LRP1B: variants seen among roughly 807,000 people sequenced by gnomAD.
LRP1B encodes LDL receptor related protein 1B, also known as low-density lipoprotein receptor-related protein 1B.
A neutral mutation model predicts 556.6 loss-of-function variants in LRP1B; 217 were observed. The observed-to-expected ratio is 0.39, with a 90% confidence interval of 0.35 to 0.44. The LOEUF (loss-of-function observed/expected upper bound fraction) is 0.44, where lower values mean the gene tolerates loss of function less well. Among genes scored for constraint, LRP1B ranks in the 20% least tolerant of loss-of-function variants. The probability of loss-of-function intolerance (pLI) is 1.00; values close to 1 mark genes in which losing one functional copy is unlikely to be tolerated. For synonymous variants in LRP1B, 2,047 were observed against 1,865.8 expected (o/e 1.10, Z -2.50); for missense variants, 5,053 against 5,620.8 (o/e 0.90, Z 3.23).
At chr2:140,798,406 C>G (rs1016501949) in intron 32 of LRP1B, among the ~76,000 whole-genome samples, 4 of 152,094 alleles carry the variant, frequency 2.6e-5, no homozygotes, top group Admixed American at 2.0e-4. Context: ...CTTCTCTGCC[C>G]ACTTTACAAG....
intron 3 of LRP1B, among the ~76,000 whole-genome samples, chr2:141,365,774 A>G (rs1689010397): frequency 6.8e-6 from 1 of 147,868 alleles, no homozygotes; most frequent in Non-Finnish European, 1.5e-5. Context: ...CCGGGTTCAC[A>G]CCATTCTCCT....
At chr2:141,361,609 G>A (rs1031841235) in intron 3 of LRP1B, among the ~76,000 whole-genome samples, 7 of 152,026 alleles carry the variant, frequency 4.6e-5, no homozygotes, top group African/African-American at 1.7e-4. Flanking sequence ...TTTTTCTTTA[G>A]CATTGTTTAT....
chr2:141,982,960 A>G (rs1021347541), intron 1 of LRP1B, among the ~76,000 whole-genome samples: 1 of 152,216 alleles, frequency 6.6e-6, no homozygotes, highest in African/African-American at 2.4e-5. Context: ...AGCTGATGTT[A>G]TGACTAATTT....
At chr2:141,329,341 T>C (rs1416898339) in intron 3 of LRP1B, among the ~76,000 whole-genome samples, 2 of 142,272 alleles carry the variant, frequency 1.4e-5, no homozygotes, top group Non-Finnish European at 3.0e-5. Context: ...TGAGCTGAGA[T>C]TGCACCATTG....
intron 7 of LRP1B, among the ~76,000 whole-genome samples, chr2:141,141,181 T>A (rs1376237219): frequency 6.6e-6 from 1 of 152,188 alleles, no homozygotes; most frequent in Non-Finnish European, 1.5e-5. Flanking sequence ...AACCTCAGTT[T>A]ATATAGTAAA....
At chr2:142,115,923 T>C (rs1473481882) in intron 1 of LRP1B, among the ~76,000 whole-genome samples, 5 of 133,694 alleles carry the variant, frequency 3.7e-5, no homozygotes, top group Admixed American at 3.5e-4. Flanking sequence ...AAACCTATAG[T>C]AGAAAGAATG....
rs1464915415 is a variant in LRP1B, at chr2:141,043,629, A to G, written c.1789+5357T>C. Among the ~76,000 whole-genome samples, 4 of 152,028 alleles carry G rather than the reference A, an allele frequency of 2.6e-5. 1 individual carries two copies. Among genetic ancestry groups the G allele is most frequent in the South Asian group, 2.1e-4 (1 of 4,830 alleles). The stretch of plus-strand genomic sequence containing the variant: ...TAATACTTTAAAAATATGAAATGAT[A>G]TGAAAGGTTATTTTAACATTTCTTC... On this transcript the variant is annotated intron_variant, in intron 11 of 90. Coordinates refer to ENST00000389484, the MANE Select transcript of LRP1B (RefSeq NM_018557.3).
intron 3 of LRP1B, among the ~76,000 whole-genome samples, chr2:141,340,142 T>C (rs1018013407): frequency 3.3e-5 from 5 of 152,228 alleles, no homozygotes; most frequent in African/African-American, 1.2e-4. Flanking sequence ...TCTGTGCTAT[T>C]TATGTAGGTT....
chr2:140,970,933 G>T (rs1696401438), intron 18 of LRP1B, among the ~76,000 whole-genome samples: 1 of 151,692 alleles, frequency 6.6e-6, no homozygotes, highest in Non-Finnish European at 1.5e-5. Flanking sequence ...TAGAGACAGG[G>T]TTTTGCCTCG....
intron 87 of LRP1B, 79 bp downstream of exon 87, chr2:140,247,007 A>G (rs1681193900): frequency 8.0e-6 from 8 of 1,001,718 alleles, no homozygotes; most frequent in South Asian, 6.7e-5. Context: ...GTGTTCTAAG[A>G]CTCATCTCAC....
In LRP1B at chr2:140,485,396, G is replaced by C. The variant is rs550593924; in HGVS notation, c.9372C>G (p.Leu3124=). 1 of 1,613,052 alleles carries C rather than the reference G, an allele frequency of 6.2e-7. No individual in the cohort carries two copies. The highest frequency in any genetic ancestry group is 8.5e-7 in the Non-Finnish European group (1 of 1,179,470). ...SKLNGLYPTI[L]VSKRLKFPRD... is the part of the protein sequence containing the mutation. ...TGGGAAACTTCAGCCTTTTGCTAAC[G>C]AGTATAGTAGGGTACAAGCCATTGA... Residue 3124 remains leucine (L), a synonymous_variant, in exon 59 of 91, where the codon CTC becomes CTG. Transcript: ENST00000389484.
intron 1 of LRP1B, among the ~76,000 whole-genome samples, chr2:142,107,616 G>GT (rs112509749): frequency 6.6e-6 from 1 of 151,050 alleles, no homozygotes; most frequent in Admixed American, 6.6e-5. Flanking sequence ...TCAATAATGT[G>GT]TCTTTTGTTT....
chr2:141,302,152 A>C (rs1686419659), intron 3 of LRP1B, among the ~76,000 whole-genome samples: 1 of 152,158 alleles, frequency 6.6e-6, no homozygotes, highest in South Asian at 2.1e-4. Context: ...TCTCTTACAG[A>C]TAGGAGAGAA....
At chr2:141,417,612 G>A (rs1679949609) in intron 3 of LRP1B, among the ~76,000 whole-genome samples, 1 of 151,944 alleles carries the variant, frequency 6.6e-6, no homozygotes, top group Non-Finnish European at 1.5e-5. Context: ...TTCTTTCTAT[G>A]TTCACCATCG....
At chr2:140,298,653 C>G (rs1286417247) in intron 83 of LRP1B, among the ~76,000 whole-genome samples, 1 of 152,146 alleles carries the variant, frequency 6.6e-6, no homozygotes, top group East Asian at 1.9e-4. Flanking sequence ...GCACATAAGA[C>G]CAAATATGAC....
At chr2:142,085,786 C>A (rs1016076881) in intron 1 of LRP1B, among the ~76,000 whole-genome samples, 2 of 152,282 alleles carry the variant, frequency 1.3e-5, no homozygotes, top group Admixed American at 6.5e-5. Context: ...CAAGTTGTAT[C>A]TGAGTGTGGT....
chr2:141,653,204 G>C (rs1377214438), intron 2 of LRP1B, among the ~76,000 whole-genome samples: 2 of 152,124 alleles, frequency 1.3e-5, no homozygotes, highest in Admixed American at 6.6e-5. Context: ...TGAATTCAAA[G>C]CTTGGTGAGG....
chr2:141,910,140 CAA>C (rs3039375), intron 1 of LRP1B, among the ~76,000 whole-genome samples: 18 of 131,712 alleles, frequency 1.4e-4, no homozygotes, highest in African/African-American at 4.4e-4. Flanking sequence ...GACTCCATCT[CAA>C]AAAAAAAAAA....
rs935722339 is a variant in LRP1B at position 140,241,861 on chromosome 2, G to T, written c.13325-2329C>A. On this transcript the variant is annotated intron_variant, in intron 87 of 90. Coordinates refer to ENST00000389484, the MANE Select transcript of LRP1B (RefSeq NM_018557.3). ...ATACAATGATCAATCCCTATTGCAGGTCATGTTTTAACAGTACATTGTTAA... is the reference window on the plus strand; with the variant it reads ...ATACAATGATCAATCCCTATTGCAGTTCATGTTTTAACAGTACATTGTTAA... Among the ~76,000 whole-genome samples, 8 of 150,684 alleles carry T rather than the reference G, an allele frequency of 5.3e-5. 1 individual carries two copies. Among genetic ancestry groups the T allele is most frequent in the African/African-American group, 1.9e-4 (8 of 41,190 alleles).
Sources: gnomAD v4.1 joint callset for allele counts (sites outside exome capture counted in the v4.1 genomes callset) on GRCh38, gnomAD v4.1.1 for gene constraint, MANE v1.5 for transcripts, NCBI Gene and HGNC (gene_info 2026-07-23, HGNC 2026-07-21) for gene names.